Variants in RNF103 observed in about 807,000 individuals in gnomAD.
RNF103 encodes the protein ring finger protein 103, also known as E3 ubiquitin-protein ligase RNF103.
RNF103 carries 23 observed loss-of-function variants against 66.2 expected under a neutral mutation model. The observed-to-expected ratio is 0.35, with a 90% confidence interval of 0.25 to 0.49. RNF103 has a LOEUF of 0.49. Among genes scored for constraint, RNF103 ranks in the 20% least tolerant of loss-of-function variants. The pLI is 0.98. For synonymous variants in RNF103, 297 were observed against 289.9 expected (o/e 1.02, Z -0.25); for missense variants, 730 against 814.7 (o/e 0.90, Z 1.27).
chr2:86,616,441 A>AT (rs1251299461), intron 2 of RNF103: 33 of 909,644 alleles, frequency 3.6e-5, no homozygotes, highest in Non-Finnish European at 4.3e-5. Context: ...TGGTCTTTTA[A>AT]TTTTTTTGTA....
At chr2:86,608,402 G>A (rs1276332511) in intron 3 of RNF103, among the ~76,000 whole-genome samples, 4 of 147,310 alleles carry the variant, frequency 2.7e-5, no homozygotes, top group South Asian at 2.1e-4. Flanking sequence ...CACAAGAATC[G>A]CCTGAACCCA....
At chr2:86,616,437 T>C (rs544722357) in intron 2 of RNF103, 1 of 899,436 alleles carries the variant, frequency 1.1e-6, no homozygotes, top group South Asian at 5.1e-5. Flanking sequence ...ACAGTGGTCT[T>C]TTAATTTTTT....
At chr2:86,621,416 C>T (rs910324340) in intron 1 of RNF103, among the ~76,000 whole-genome samples, 1 of 152,180 alleles carries the variant, frequency 6.6e-6, no homozygotes, top group Non-Finnish European at 1.5e-5. Context: ...TATTAGAGAT[C>T]TTTTACCCTA....
chr2:86,617,048 A>G (rs1679049260), intron 2 of RNF103: 1 of 985,312 alleles, frequency 1.0e-6, no homozygotes, highest in Non-Finnish European at 1.2e-6. Context: ...AAGGAGAAAA[A>G]CAATGTTAGG....
In RNF103 at chr2:86,603,780, G is replaced by T; in HGVS notation, c.*63C>A. 1 of 1,532,232 alleles carries T rather than the reference G, an allele frequency of 6.5e-7. No individual in the cohort carries two copies. The highest frequency in any genetic ancestry group is 1.3e-5 in the South Asian group (1 of 76,312). 94.9% of individuals were successfully genotyped at this position (1,532,232 alleles called of 1,614,324 possible). On this transcript the variant is annotated 3_prime_UTR_variant, in exon 4 of 4. Transcript: ENST00000237455. Reference sequence around the variant, plus strand: ...AAACTTCAAACCACAAAAACATTGTGACTAACATTAAAAAGGCAAGCTGTA... The same window carrying T: ...AAACTTCAAACCACAAAAACATTGTTACTAACATTAAAAAGGCAAGCTGTA...
intron 3 of RNF103, among the ~76,000 whole-genome samples, chr2:86,611,442 G>A (rs1467829384): frequency 2.0e-5 from 3 of 151,956 alleles, no homozygotes; most frequent in African/African-American, 7.3e-5. Context: ...CAATGAATGA[G>A]ACTAAGTTAT....
chr2:86,615,502 T>TATATATATATATA (rs1475298620), intron 2 of RNF103, among the ~76,000 whole-genome samples: 1 of 143,468 alleles, frequency 7.0e-6, no homozygotes, highest in Non-Finnish European at 1.5e-5. Context: ...CAGCCTAATA[T>TATATATATATATA]ATATATATAC....
At chr2:86,610,563 TTTAA>T (rs1185567994) in intron 3 of RNF103, among the ~76,000 whole-genome samples, 7 of 152,232 alleles carry the variant, frequency 4.6e-5, no homozygotes, top group African/African-American at 7.2e-5. Context: ...AACATTAGAC[TTTAA>T]TTAATGCATT....
intron 3 of RNF103, among the ~76,000 whole-genome samples, chr2:86,611,562 AC>A (rs1678793521): frequency 1.3e-5 from 2 of 152,208 alleles, no homozygotes; most frequent in African/African-American, 4.8e-5. Context: ...TGACAAAAAA[AC>A]AAAACATAAA....
At chr2:86,615,357 T>C in intron 2 of RNF103, 2 of 427,444 alleles carry the variant, frequency 4.7e-6, no homozygotes, top group South Asian at 9.7e-5. Context: ...ATGTCCTACA[T>C]AGTTATATAA....
intron 3 of RNF103, among the ~76,000 whole-genome samples, chr2:86,609,066 G>C (rs1040380164): frequency 6.6e-6 from 1 of 152,168 alleles, no homozygotes; most frequent in African/African-American, 2.4e-5. Context: ...TGAGAGGTGA[G>C]GCCTAGTGGG....
intron 2 of RNF103, chr2:86,617,965 CAAGG>C (rs1239410943): frequency 1.9e-6 from 1 of 529,746 alleles, no homozygotes; most frequent in African/African-American, 2.0e-5. Flanking sequence ...CCACTGGCCT[CAAGG>C]AACACAAGCC....
rs112431636 is a variant in RNF103 at position 86,609,384 on chromosome 2, ATT to A, written c.482+2773_482+2774del. Among the ~76,000 whole-genome samples the A allele has an allele frequency of 5.8e-3, 782 of 134,348 alleles. 13 individuals carry two copies. The highest frequency in any genetic ancestry group is 0.021 in the African/African-American group (732 of 35,604). The allele number at this position is 134,348 out of a possible 152,430, so 88.1% of individuals were successfully genotyped here. On this transcript the variant is annotated intron_variant, in intron 3 of 3. Coordinates refer to ENST00000237455, the MANE Select transcript of RNF103 (RefSeq NM_005667.4). The stretch of plus-strand genomic sequence containing the variant: ...CTTCATAAATTACTCAGCCTCAGGT[ATT>A]TTTTTTTTTTTTTTTTGAGACAGAG...
At chr2:86,611,010 C>A (rs375900323) in intron 3 of RNF103, among the ~76,000 whole-genome samples, 196 of 129,480 alleles carry the variant, frequency 1.5e-3, no homozygotes, top group Admixed American at 1.8e-3. Context: ...TCCATCTCTA[C>A]AAAAAAAAAA....
rs772416414 is a variant in RNF103 at position 86,623,775 on chromosome 2, G to A, written c.-889C>T. 3.1e-6 allele frequency: 4 copies of A among 1,282,420 alleles called. No homozygotes were observed. Among genetic ancestry groups the A allele is most frequent in the South Asian group, 2.5e-5 (2 of 80,462 alleles). 79.4% of individuals were successfully genotyped at this position (1,282,420 alleles called of 1,614,324 possible). ...ATGGGCAGTGCCGGTCGCAGCACCC[G>A]TCCCCAACACCCCCGCCACCTCCGG... is the stretch of plus-strand genomic sequence containing the variant. On this transcript the variant is annotated 5_prime_UTR_variant, in exon 1 of 4. The change creates a new upstream start codon in the 5' untranslated region. Transcript: ENST00000237455.
intron 3 of RNF103, among the ~76,000 whole-genome samples, chr2:86,609,983 T>C (rs1223233529): frequency 6.6e-6 from 1 of 152,234 alleles, no homozygotes; most frequent in Non-Finnish European, 1.5e-5. Context: ...CTCTTCTCTA[T>C]ATCTCTAAAT....
intron 2 of RNF103, chr2:86,613,208 A>T (rs914894449): frequency 1.3e-5 from 2 of 152,260 alleles, no homozygotes; most frequent in Non-Finnish European, 2.9e-5. Flanking sequence ...TGCAGTGAGT[A>T]GAGGTTGCAC....
Position 86,622,956 on chromosome 2 carries a change from C to CGCGGCTCGGTGGCA in RNF103, c.-84_-71dup. On this transcript the variant is annotated 5_prime_UTR_variant, in exon 1 of 4. Transcript: ENST00000237455. ...AGAGAGAAGGGTCGAGGGCGGGGGC[C>CGCGGCTCGGTGGCA]GCGGCTCGGTGGCAGCTTGGGCGAG... 6.7e-7 allele frequency: 1 copy of CGCGGCTCGGTGGCA among 1,491,410 alleles called. No individual in the cohort carries two copies. Among genetic ancestry groups the CGCGGCTCGGTGGCA allele is most frequent in the South Asian group, 1.3e-5 (1 of 77,214 alleles). 92.4% of individuals were successfully genotyped at this position (1,491,410 alleles called of 1,614,324 possible).
At position 86,604,213 on chromosome 2, in the gene RNF103, T is replaced by C. The variant is rs769930719; in HGVS notation, c.1688A>G (p.Asn563Ser). ...ACAGTGACTTGCTGTTCCTGGAGAATTGTGAAGTACGCTTTGCTTATCTTC... is the reference window on the plus strand; with the variant it reads ...ACAGTGACTTGCTGTTCCTGGAGAACTGTGAAGTACGCTTTGCTTATCTTC... ...VFEDKQSVLHNSPGTASHCDA... is the reference protein window; with the variant it reads ...VFEDKQSVLHSSPGTASHCDA... Residue 563 changes from asparagine to serine, a missense_variant, in exon 4 of 4, where the codon AAT (asparagine) becomes AGT (serine). This residue lies in a region of RNF103 where 355 missense variants were observed against 351.9 expected (regional missense o/e 1.01). Coordinates refer to ENST00000237455, the MANE Select transcript of RNF103 (RefSeq NM_005667.4). 60 of 1,613,958 alleles carry C rather than the reference T, an allele frequency of 3.7e-5. No individual in the cohort carries two copies. Among genetic ancestry groups the C allele is most frequent in the Non-Finnish European group, 4.9e-5 (58 of 1,180,046 alleles).
Sources: allele counts gnomAD v4.1 joint callset (sites outside exome capture counted in the v4.1 genomes callset), GRCh38; gene constraint gnomAD v4.1.1; regional missense constraint gnomAD v4.1.1; transcripts MANE v1.5; gene names NCBI Gene and HGNC (gene_info 2026-07-23, HGNC 2026-07-21).